Variants in HS3ST5 observed in about 807,000 individuals in gnomAD.
HS3ST5 encodes heparan sulfate glucosamine 3-O-sulfotransferase 5.
Under a neutral mutation model 25.4 loss-of-function variants are expected in HS3ST5, and 10 were observed. The ratio of observed to expected loss-of-function variants is 0.39; its 90% confidence interval spans 0.24 to 0.67. The LOEUF is 0.67. Among genes scored for constraint, HS3ST5 ranks in the 30% least tolerant of loss-of-function variants. HS3ST5 has a pLI of 0.44. For synonymous variants in HS3ST5, 170 were observed against 162.4 expected, an observed-to-expected ratio of 1.05 and a Z score of -0.36; for missense variants, 324 against 420.7, an observed-to-expected ratio of 0.77 and a Z score of 2.01.
intron 1 of HS3ST5, among the ~76,000 whole-genome samples, chr6:114,338,764 T>C (rs909701112): frequency 2.0e-5 from 3 of 152,072 alleles, no homozygotes; most frequent in Non-Finnish European, 4.4e-5. Context: ...GCAGCAAAAT[T>C]TGTCAACAAT....
At position 114,249,350 on chromosome 6, in the gene HS3ST5, A is replaced by G. The variant is rs1054442131; in HGVS notation, c.-338-20572T>C. ...CAACAAATGTCTTTTACCTTACTCA[A>G]TCATGCATTTAAAGTTACTAGAAAT... On this transcript the variant is annotated intron_variant, in intron 1 of 4. Transcript: ENST00000312719. Among the ~76,000 whole-genome samples the G allele has an allele frequency of 2.6e-5, 4 of 152,218 alleles. No individual in the cohort carries two copies. The South Asian group carries it at 8.3e-4, about 31-fold the overall frequency.
intron 2 of HS3ST5, among the ~76,000 whole-genome samples, chr6:114,224,875 G>GT (rs914534170): frequency 2.6e-5 from 4 of 151,526 alleles, no homozygotes; most frequent in African/African-American, 7.3e-5. Context: ...CTTGCAATCA[G>GT]TTTTTTTGCA....
At chr6:114,322,880 G>A (rs1402010194) in intron 1 of HS3ST5, among the ~76,000 whole-genome samples, 1 of 152,152 alleles carries the variant, frequency 6.6e-6, no homozygotes, top group Non-Finnish European at 1.5e-5. Flanking sequence ...CTTGCTTCAT[G>A]GATGTCAGAT....
intron 3 of HS3ST5, among the ~76,000 whole-genome samples, chr6:114,145,491 C>A (rs1284523798): frequency 1.3e-5 from 2 of 152,072 alleles, no homozygotes. Flanking sequence ...GTCCCCAAAC[C>A]AGAGGAATGA....
At chr6:114,283,297 C>A (rs1165226571) in intron 1 of HS3ST5, among the ~76,000 whole-genome samples, 1 of 151,718 alleles carries the variant, frequency 6.6e-6, no homozygotes, top group African/African-American at 2.4e-5. Flanking sequence ...TAACCAAAAT[C>A]ACCATCAAGA....
intron 3 of HS3ST5, among the ~76,000 whole-genome samples, chr6:114,065,161 T>G (rs1428426524): frequency 1.3e-5 from 2 of 152,194 alleles, no homozygotes; most frequent in Non-Finnish European, 2.9e-5. Context: ...TTCAGGAAAT[T>G]CTCAAAAACC....
intron 1 of HS3ST5, among the ~76,000 whole-genome samples, chr6:114,254,029 AAGAG>A (rs1406311269): frequency 6.6e-6 from 1 of 152,200 alleles, no homozygotes; most frequent in Non-Finnish European, 1.5e-5. Flanking sequence ...CCAGGCAGAA[AAGAG>A]AGAGGCCTAA....
intron 3 of HS3ST5, among the ~76,000 whole-genome samples, chr6:114,076,890 C>T (rs1166260470): frequency 6.6e-6 from 1 of 152,120 alleles, no homozygotes; most frequent in Non-Finnish European, 1.5e-5. Context: ...CTCATAATTG[C>T]TCTATCAAAT....
chr6:114,118,492 C>A (rs1347823545), intron 3 of HS3ST5, among the ~76,000 whole-genome samples: 1 of 152,070 alleles, frequency 6.6e-6, no homozygotes, highest in Non-Finnish European at 1.5e-5. Context: ...TATAAGAAAG[C>A]AATTATATGG....
intron 3 of HS3ST5, among the ~76,000 whole-genome samples, chr6:114,157,364 T>C (rs1170499287): frequency 2.0e-5 from 3 of 152,216 alleles, no homozygotes; most frequent in African/African-American, 7.2e-5. Flanking sequence ...GATCAAGACA[T>C]TCACATTTAA....
intron 2 of HS3ST5, among the ~76,000 whole-genome samples, chr6:114,209,337 G>GA (rs933332992): frequency 1.7e-4 from 26 of 148,984 alleles, no homozygotes; most frequent in South Asian, 1.1e-3. Flanking sequence ...TTTTATTACT[G>GA]AAAAAAAAAC....
intron 1 of HS3ST5, among the ~76,000 whole-genome samples, chr6:114,274,790 T>C (rs1030062200): frequency 5.9e-5 from 9 of 152,044 alleles, no homozygotes; most frequent in African/African-American, 2.2e-4. Context: ...AATATTTATC[T>C]GGGTATGTTC....
intron 3 of HS3ST5, among the ~76,000 whole-genome samples, chr6:114,160,720 G>T (rs1000774316): frequency 1.1e-4 from 16 of 152,054 alleles, no homozygotes; most frequent in African/African-American, 3.6e-4. Flanking sequence ...TCTGACAACA[G>T]CATTAGGGAA....
chr6:114,083,801 T>G (rs1028733822), intron 3 of HS3ST5, among the ~76,000 whole-genome samples: 1 of 152,114 alleles, frequency 6.6e-6, no homozygotes, highest in Non-Finnish European at 1.5e-5. Flanking sequence ...CTCTATTATC[T>G]CCGCCTGAAA....
At chr6:114,203,789 T>C (rs1159973553) in intron 2 of HS3ST5, among the ~76,000 whole-genome samples, 2 of 152,168 alleles carry the variant, frequency 1.3e-5, no homozygotes, top group Admixed American at 1.3e-4. Flanking sequence ...CTCCGAGCTT[T>C]TGGGAGGCAG....
At chr6:114,273,726 T>C (rs942988076) in intron 1 of HS3ST5, among the ~76,000 whole-genome samples, 1 of 152,000 alleles carries the variant, frequency 6.6e-6, no homozygotes, top group East Asian at 1.9e-4. Context: ...GGATGAGGAA[T>C]GAGAACTGAC....
chr6:114,330,824 C>G (rs1776364223), intron 1 of HS3ST5, among the ~76,000 whole-genome samples: 1 of 152,098 alleles, frequency 6.6e-6, no homozygotes, highest in Non-Finnish European at 1.5e-5. Context: ...GAATGTCTTC[C>G]CCAGCCTTGT....
At chr6:114,290,147 G>A (rs1424756913) in intron 1 of HS3ST5, among the ~76,000 whole-genome samples, 1 of 152,030 alleles carries the variant, frequency 6.6e-6, no homozygotes, top group Non-Finnish European at 1.5e-5. Context: ...AAACCACAAG[G>A]TTTTTTGTGG....
intron 3 of HS3ST5, among the ~76,000 whole-genome samples, chr6:114,151,029 G>A (rs763588023): frequency 2.0e-5 from 3 of 152,032 alleles, no homozygotes; most frequent in Non-Finnish European, 4.4e-5. Flanking sequence ...ATATTCGCTT[G>A]CCCCTGTACA....
Sources: allele counts gnomAD v4.1 joint callset (sites outside exome capture counted in the v4.1 genomes callset), GRCh38; gene constraint gnomAD v4.1.1; transcripts MANE v1.5; gene names NCBI Gene and HGNC (gene_info 2026-07-23, HGNC 2026-07-21).